SF3B3: variants seen among roughly 807,000 people sequenced by gnomAD.
The protein encoded by SF3B3 is splicing factor 3b subunit 3, also known as SAP 130.
Under a neutral mutation model 139.2 loss-of-function variants are expected in SF3B3, and 33 were observed. The ratio of observed to expected loss-of-function variants is 0.24; its 90% CI spans 0.18 to 0.32. SF3B3 has a LOEUF of 0.32. Among genes scored for constraint, SF3B3 ranks in the 10% least tolerant of loss-of-function variants. The pLI is 1.00. For synonymous variants in SF3B3, 596 were observed against 563.6 expected (o/e 1.06, Z -0.81); for missense variants, 818 against 1,509.4 (o/e 0.54, Z 7.59).
rs2050572158 is a variant in SF3B3 at position 70,575,519 on chromosome 16, G to C, written c.*3706G>C. 6.6e-6 allele frequency: 1 copy of C among 152,330 alleles called. No individual in the cohort carries two copies. The highest frequency in any genetic ancestry group is 2.4e-5 in the African/African-American group (1 of 41,434). 9.4% of individuals were successfully genotyped at this position (152,330 alleles called of 1,614,324 possible). A position where few individuals can be genotyped will look rare whatever the true frequency, so the allele number is the denominator to read the frequency against. ...TGGCCAGGAGCTGTTTAAGCCATCA[G>C]GAGACATGCTGACCCACTAGAAGAG... On this transcript the variant is annotated 3_prime_UTR_variant, in exon 26 of 26. Coordinates refer to ENST00000302516, the MANE Select transcript of SF3B3 (RefSeq NM_012426.5).
chr16:70,565,236 C>A lies in SF3B3; in HGVS notation c.2635C>A (p.Leu879Ile). ...TCCCATTCAAGGGAACACACTGGACCTTGTCCAGCTGGAACAGAATGAGGC... is the reference window on the plus strand; with the variant it reads ...TCCCATTCAAGGGAACACACTGGACATTGTCCAGCTGGAACAGAATGAGGC... ...MNPIQGNTLD[L>I]VQLEQNEAAF... Residue 879 changes from leucine (L) to isoleucine (I), a missense_variant, in exon 19 of 26, where the codon CTT (leucine) becomes ATT (isoleucine). Leu to Ile is a conservative substitution (Grantham distance 5). This residue lies in a region of SF3B3 where 145 missense variants were observed against 153.6 expected (regional missense o/e 0.94). Transcript: ENST00000302516. The A allele has an allele frequency of 6.2e-7, 1 of 1,614,204 alleles. No individual in the cohort carries two copies. The highest frequency in any genetic ancestry group is 1.6e-4 in the Middle Eastern group (1 of 6,062).
rs4429290 is a variant in SF3B3, at chr16:70,544,315, C to T, written c.1234-123C>T. 1,392 of 645,676 alleles carry T rather than the reference C, an allele frequency of 2.2e-3. 23 individuals are homozygous for T. In the African/African-American group the frequency reaches 0.023, roughly 11 times the overall value. The allele number at this position is 645,676 out of a possible 1,614,324, so 40.0% of individuals were successfully genotyped here. A position where few individuals can be genotyped will look rare whatever the true frequency, so the allele number is the denominator to read the frequency against. ...ACAATACAGATCATTCACCTCTTTTCACATATTGATCAGCAGATAATTGTA... is the reference window on the plus strand; with the variant it reads ...ACAATACAGATCATTCACCTCTTTTTACATATTGATCAGCAGATAATTGTA... On this transcript the variant is annotated intron_variant, in intron 9 of 25. Transcript: ENST00000302516.
chr16:70,542,782 C>T (rs565557637), intron 9 of SF3B3, among the ~76,000 whole-genome samples: 14 of 148,182 alleles, frequency 9.4e-5, no homozygotes, highest in African/African-American at 3.2e-4. Flanking sequence ...AGTGCAGTGG[C>T]GTGATCTCGG....
At chr16:70,564,115 C>T (rs1228436896) in intron 18 of SF3B3, 65 bp downstream of exon 18, 4 of 1,528,566 alleles carry the variant, frequency 2.6e-6, no homozygotes, top group Middle Eastern at 3.4e-4. Flanking sequence ...AAAGTTTAAA[C>T]TGCCCGGCAC....
chr16:70,563,326 G>T (rs1349565768), intron 17 of SF3B3, among the ~76,000 whole-genome samples: 2 of 152,120 alleles, frequency 1.3e-5, no homozygotes, highest in Admixed American at 6.5e-5. Context: ...ATTAGAGATC[G>T]GGTAACTATA....
At chr16:70,536,027 T>C (rs2151778899) in intron 6 of SF3B3, among the ~76,000 whole-genome samples, 1 of 152,322 alleles carries the variant, frequency 6.6e-6, no homozygotes, top group African/African-American at 2.4e-5. Flanking sequence ...GCCAATATCA[T>C]ACCCAAGAAA....
chr16:70,549,890 C>G (rs954634583), intron 11 of SF3B3, among the ~76,000 whole-genome samples: 2 of 151,920 alleles, frequency 1.3e-5, no homozygotes, highest in South Asian at 4.2e-4. Flanking sequence ...GCACCACTGC[C>G]CTCCAGCCTG....
intron 12 of SF3B3, 91 bp downstream of exon 12, chr16:70,554,688 C>A: frequency 7.6e-7 from 1 of 1,313,620 alleles, no homozygotes; most frequent in South Asian, 1.3e-5. Context: ...GTCTCTTCAC[C>A]CTCACCTTCC....
intron 4 of SF3B3, 120 bp from the exon 5 acceptor site, chr16:70,532,359 A>AAAAAAAAAAAAAAAAAAAAAAAAAAAAAG (rs2050130067): frequency 1.3e-6 from 1 of 773,786 alleles, no homozygotes; most frequent in African/African-American, 1.9e-5. Context: ...TGTCTCTCCA[A>AAAAAAAAAAAAAAAAAAAAAAAAAAAAAG]AAAAAAAAGA....
intron 8 of SF3B3, among the ~76,000 whole-genome samples, chr16:70,539,948 G>A (rs2050203824): frequency 6.6e-6 from 1 of 151,128 alleles, no homozygotes; most frequent in Non-Finnish European, 1.5e-5. Context: ...AGCTCATTTT[G>A]TACTTTTAGT....
At chr16:70,554,938 C>A in intron 12 of SF3B3, 113 bp from the exon 13 acceptor site, 1 of 1,002,502 alleles carries the variant, frequency 1.0e-6, no homozygotes, top group Non-Finnish European at 1.5e-6. Context: ...ACTGGTGCCT[C>A]AAATGCAGTG....
At chr16:70,562,390 C>T (rs530963269) in intron 17 of SF3B3, among the ~76,000 whole-genome samples, 1 of 152,288 alleles carries the variant, frequency 6.6e-6, no homozygotes, top group South Asian at 2.1e-4. Context: ...AAACTATGGC[C>T]TCTTGATAGA....
chr16:70,536,654 C>T (rs965565333), intron 6 of SF3B3, among the ~76,000 whole-genome samples: 4 of 149,956 alleles, frequency 2.7e-5, no homozygotes, highest in African/African-American at 9.8e-5. Context: ...CCACCGCACC[C>T]GGCCTTTTTT....
At chr16:70,547,094 CTTG>C (rs1420434966) in intron 10 of SF3B3, among the ~76,000 whole-genome samples, 2 of 152,028 alleles carry the variant, frequency 1.3e-5, no homozygotes, top group Non-Finnish European at 2.9e-5. Context: ...TTTGTTACAC[CTTG>C]TTGTCTAACT....
intron 6 of SF3B3, among the ~76,000 whole-genome samples, chr16:70,537,113 A>G (rs548518860): frequency 1.1e-4 from 16 of 152,182 alleles, no homozygotes; most frequent in South Asian, 6.2e-4. Context: ...CTGGCCAGCT[A>G]ATTCTCTTAT....
intron 23 of SF3B3, among the ~76,000 whole-genome samples, chr16:70,569,569 GGCATTAA>G (rs1397779004): frequency 1.3e-5 from 2 of 152,152 alleles, no homozygotes; most frequent in African/African-American, 4.8e-5. Flanking sequence ...TGTTTTATGA[GGCATTAA>G]GCTTTAAGTA....
chr16:70,530,980 T>C (rs895895110), intron 4 of SF3B3, 63 bp downstream of exon 4: 2 of 1,490,992 alleles, frequency 1.3e-6, no homozygotes. Context: ...TTTAAGATTG[T>C]TTTCCGGCCG....
Position 70,568,437 on chromosome 16 carries a change from C to T in SF3B3, c.3107C>T (p.Ala1036Val). ...DDTYPRWVTT[A>V]SLLDYDTVAG... Reference sequence around the variant, plus strand: ...ACCTACCCCCGATGGGTCACTACAGCCAGCCTCCTGGACTATGACACTGTG... The same window carrying T: ...ACCTACCCCCGATGGGTCACTACAGTCAGCCTCCTGGACTATGACACTGTG... The change falls in exon 22 of 26, where the codon GCC becomes GTC. Residue 1036 changes from alanine (A) to valine (V), a missense_variant. Ala to Val is a moderately conservative substitution (Grantham distance 64). Coordinates refer to ENST00000302516, the MANE Select transcript of SF3B3 (RefSeq NM_012426.5). The T allele has an allele frequency of 6.2e-7, 1 of 1,614,038 alleles. No individual in the cohort carries two copies. The highest frequency in any genetic ancestry group is 1.1e-5 in the South Asian group (1 of 91,078).
chr16:70,560,652 A>G (rs1407240082), intron 16 of SF3B3, 61 bp downstream of exon 16: 20 of 1,579,116 alleles, frequency 1.3e-5, no homozygotes, highest in Non-Finnish European at 1.7e-5. Flanking sequence ...CCATCTGAGA[A>G]CAATCTTTGC....
Sources: gnomAD v4.1 joint callset for allele counts (sites outside exome capture counted in the v4.1 genomes callset) on GRCh38, gnomAD v4.1.1 for gene constraint, gnomAD v4.1.1 regional missense constraint, MANE v1.5 for transcripts, NCBI Gene and HGNC (gene_info 2026-07-23, HGNC 2026-07-21) for gene names.